Variants in ARVCF observed in about 807,000 individuals in gnomAD.
The protein encoded by ARVCF is splicing regulator ARVCF.
A neutral mutation model predicts 90.9 loss-of-function variants in ARVCF; 66 were observed. The ratio of observed to expected loss-of-function variants is 0.73; its 90% CI spans 0.60 to 0.89. The LOEUF (loss-of-function observed/expected upper bound fraction) is 0.89. Among genes scored for constraint, ARVCF ranks in the 40% least tolerant of loss-of-function variants. The pLI, the probability that ARVCF is intolerant of heterozygous loss-of-function variation, is 0.00. For missense variants in ARVCF, 1,469 were observed against 1,382.3 expected (o/e 1.06, Z -1.00); for synonymous variants, 653 against 603.4 (o/e 1.08, Z -1.21).
intron 3 of ARVCF, among the ~76,000 whole-genome samples, chr22:19,983,337 A>T (rs1355408609): frequency 6.6e-6 from 1 of 152,226 alleles, no homozygotes; most frequent in Non-Finnish European, 1.5e-5. Flanking sequence ...GCCAGGCTCC[A>T]GAGGCAGACT....
intron 16 of ARVCF, 88 bp from the exon 17 acceptor site, chr22:19,972,499 C>A: frequency 1.3e-6 from 2 of 1,522,010 alleles, no homozygotes; most frequent in Non-Finnish European, 1.8e-6. Flanking sequence ...CCCAGGTAGC[C>A]CTAGAGGCTC....
intron 2 of ARVCF, among the ~76,000 whole-genome samples, chr22:20,005,391 T>C (rs1944585340): frequency 6.6e-6 from 1 of 151,996 alleles, no homozygotes; most frequent in African/African-American, 2.4e-5. Flanking sequence ...AAAAAAAGTT[T>C]TGGCAGAGAT....
intron 2 of ARVCF, among the ~76,000 whole-genome samples, chr22:19,995,363 CAG>C (rs1288118029): frequency 2.0e-5 from 3 of 149,974 alleles, no homozygotes; most frequent in African/African-American, 7.4e-5. Flanking sequence ...AAGGAGAAAA[CAG>C]AGTGCGATGC....
intron 3 of ARVCF, chr22:19,987,052 C>T (rs781372337): frequency 7.6e-6 from 5 of 654,674 alleles, no homozygotes. Context: ...CAGGGTCCCC[C>T]CAAGCCAACT....
At position 19,971,317 on chromosome 22, in the gene ARVCF, C is replaced by A; in HGVS notation, c.2800G>T (p.Ala934Ser). The change falls in exon 19 of 20, where the codon GCC (alanine) becomes TCC (serine). Residue 934 changes from alanine to serine, a missense_variant. Transcript: ENST00000263207. ...GGCCTGCTGGGCCCGGGGGGAGGGG[C>A]CTTCCTGCTGGGGTCGAGCTGCAGC... ...EPLKLDPSRK[A>S]PPPGPSRPAV... The A allele has an allele frequency of 6.4e-7, 1 of 1,554,900 alleles. No homozygotes were observed. Among genetic ancestry groups the A allele is most frequent in the Non-Finnish European group, 8.7e-7 (1 of 1,148,974 alleles).
At chr22:20,015,037 T>C (rs1218579172) in intron 1 of ARVCF, among the ~76,000 whole-genome samples, 2 of 151,816 alleles carry the variant, frequency 1.3e-5, no homozygotes. Flanking sequence ...AGCCCAGATG[T>C]GGTGGGTGGG....
At chr22:19,967,859 G>C (rs532621286), downstream of ARVCF, among the ~76,000 whole-genome samples, 3 of 152,350 alleles carry the variant, frequency 2.0e-5, no homozygotes, top group Admixed American at 2.0e-4. Flanking sequence ...GCATAGATAG[G>C]CAAGCATCCT....
At chr22:19,993,493 C>T (rs1413380239) in intron 2 of ARVCF, among the ~76,000 whole-genome samples, 3 of 152,226 alleles carry the variant, frequency 2.0e-5, no homozygotes, top group African/African-American at 4.8e-5. Flanking sequence ...CCCAGGAGGG[C>T]CCTGGGGGAA....
At chr22:20,001,886 A>G (rs558116756) in intron 2 of ARVCF, among the ~76,000 whole-genome samples, 5 of 152,372 alleles carry the variant, frequency 3.3e-5, no homozygotes, top group Non-Finnish European at 2.9e-5. Flanking sequence ...AGTAAACAGC[A>G]GACTGTAGAA....
chr22:19,972,763 G>A lies in ARVCF; in HGVS notation c.2615C>T (p.Thr872Met), dbSNP rs148244081. ...AAGGCTCTTGTCCACCAGTGGCAGCGTGCTGTCATCGAAGCCCCCAGGACT... is the reference window on the plus strand; with the variant it reads ...AAGGCTCTTGTCCACCAGTGGCAGCATGCTGTCATCGAAGCCCCCAGGACT... ...ALSPGGFDDS[T>M]LPLVDKSLEG... Residue 872 changes from threonine to methionine, a missense_variant, in exon 16 of 20, where the codon ACG becomes ATG. Transcript: ENST00000263207. 46 of 1,612,934 alleles carry A rather than the reference G, an allele frequency of 2.9e-5. No individual in the cohort carries two copies. Among genetic ancestry groups the A allele is most frequent in the Non-Finnish European group, 3.6e-5 (42 of 1,179,454 alleles).
intron 2 of ARVCF, among the ~76,000 whole-genome samples, chr22:19,993,666 C>T (rs1442241529): frequency 6.6e-6 from 1 of 152,244 alleles, no homozygotes; most frequent in Non-Finnish European, 1.5e-5. Flanking sequence ...GAGGAGGCCA[C>T]TTCTTGCCAA....
chr22:20,009,965 ATTAC>A (rs1040914776), intron 2 of ARVCF, among the ~76,000 whole-genome samples: 2 of 152,248 alleles, frequency 1.3e-5, no homozygotes, highest in African/African-American at 2.4e-5. Flanking sequence ...GCAAAATTGA[ATTAC>A]TTACTATCAG....
chr22:19,981,270 C>T lies in ARVCF; in HGVS notation c.837G>A (p.Glu279=), dbSNP rs143402171. 2.2e-4 allele frequency: 350 copies of T among 1,571,138 alleles called. No individual in the cohort carries two copies. The African/African-American group carries it at 3.9e-3, about 17-fold the overall frequency. The change falls in exon 5 of 20, where the codon GAG becomes GAA. Residue 279 remains glutamate (E), a synonymous_variant. Coordinates refer to ENST00000263207, the MANE Select transcript of ARVCF (RefSeq NM_001670.3). ...AADDEGGPEL[E]PDYGTATRRR... ...TCCTTGTGGCCGTGCCATAGTCAGGCTCCAGCTCAGGGCCACCCTCGTCAT... is the reference window on the plus strand; with the variant it reads ...TCCTTGTGGCCGTGCCATAGTCAGGTTCCAGCTCAGGGCCACCCTCGTCAT...
chr22:20,007,569 T>C (rs982611021), intron 2 of ARVCF, among the ~76,000 whole-genome samples: 5 of 152,262 alleles, frequency 3.3e-5, no homozygotes, highest in Non-Finnish European at 7.3e-5. Flanking sequence ...GTGTTGAAGG[T>C]AGGACCTCTA....
intron 16 of ARVCF, 63 bp from the exon 17 acceptor site, chr22:19,972,474 C>T: frequency 1.9e-6 from 3 of 1,599,528 alleles, no homozygotes; most frequent in Non-Finnish European, 1.7e-6. Context: ...GGCAGAGAAG[C>T]CCACACAGGG....
intron 3 of ARVCF, chr22:19,987,142 TG>T: frequency 2.1e-6 from 1 of 479,206 alleles, no homozygotes; most frequent in East Asian, 3.5e-5. Flanking sequence ...AGGCGGTGGC[TG>T]GACCAGGCTC....
intron 3 of ARVCF, among the ~76,000 whole-genome samples, chr22:19,990,337 G>C (rs139853884): frequency 6.6e-6 from 1 of 152,320 alleles, no homozygotes; most frequent in African/African-American, 2.4e-5. Flanking sequence ...CCAGCTGCCT[G>C]GGCCCTGAGG....
chr22:19,972,423 G>T lies in ARVCF; in HGVS notation c.2642-12C>A. On this transcript the variant is annotated splice_polypyrimidine_tract_variant and intron_variant, in intron 16 of 19. Coordinates refer to ENST00000263207, the MANE Select transcript of ARVCF (RefSeq NM_001670.3). ...AGTTTTCTCGCCCTCTGCAAGGCAG[G>T]AGGAGGAGACGGGCTGCATGTGGCA... is the stretch of plus-strand genomic sequence containing the variant. The T allele has an allele frequency of 6.2e-7, 1 of 1,613,296 alleles. No individual in the cohort carries two copies. Among genetic ancestry groups the T allele is most frequent in the Non-Finnish European group, 8.5e-7 (1 of 1,179,918 alleles).
Position 20,000,814 on chromosome 22 carries a change from G to A in ARVCF, c.-19+9641C>T, listed in dbSNP as rs531251599. On this transcript the variant is annotated intron_variant, in intron 2 of 19. Coordinates refer to ENST00000263207, the MANE Select transcript of ARVCF (RefSeq NM_001670.3). ...CTTCCACCATGAGAGGACACACAGC[G>A]CCATCTATCAATAGCCCTCACCAGA... 9.8e-5 allele frequency among the ~76,000 whole-genome samples: 15 copies of A among 152,298 alleles called. 1 individual carries two copies. Among genetic ancestry groups the A allele is most frequent in the South Asian group, 4.1e-4 (2 of 4,828 alleles).
Sources: gnomAD v4.1 joint callset for allele counts (sites outside exome capture counted in the v4.1 genomes callset) on GRCh38, gnomAD v4.1.1 for gene constraint, MANE v1.5 for transcripts, NCBI Gene and HGNC (gene_info 2026-07-23, HGNC 2026-07-21) for gene names.